The following FSTL4 variants were observed in gnomAD, a reference collection of about 807,000 sequenced individuals.
The protein encoded by FSTL4 is follistatin like 4.
A neutral mutation model predicts 78.2 loss-of-function variants in FSTL4; 28 were observed. The ratio of observed to expected loss-of-function variants is 0.36; its 90% confidence interval spans 0.27 to 0.49. The LOEUF (loss-of-function observed/expected upper bound fraction) is 0.49, where lower values mean the gene tolerates loss of function less well. FSTL4 is among the 20% of genes least tolerant of loss of function. The pLI is 0.98. For synonymous variants in FSTL4, 422 were observed against 440.5 expected (o/e 0.96, Z 0.53); for missense variants, 922 against 1,084.9 (o/e 0.85, Z 2.11).
chr5:133,608,553 T>A (rs1761022015), intron 1 of FSTL4, among the ~76,000 whole-genome samples: 1 of 152,242 alleles, frequency 6.6e-6, no homozygotes. Flanking sequence ...TTCCTTATAT[T>A]ATGGCACACT....
intron 3 of FSTL4, among the ~76,000 whole-genome samples, chr5:133,449,733 C>T (rs528346322): frequency 9.9e-5 from 15 of 152,282 alleles, no homozygotes; most frequent in Middle Eastern, 3.4e-3. Context: ...GGCGGGTGTT[C>T]CCTGTTGGGT....
chr5:133,322,486 T>C (rs1754095672), intron 4 of FSTL4, among the ~76,000 whole-genome samples: 1 of 152,024 alleles, frequency 6.6e-6, no homozygotes, highest in African/African-American at 2.4e-5. Context: ...TCCCAAGAAG[T>C]GCTGGAAGGA....
intron 3 of FSTL4, among the ~76,000 whole-genome samples, chr5:133,446,260 C>T (rs1044855465): frequency 1.3e-5 from 2 of 152,120 alleles, no homozygotes; most frequent in Admixed American, 6.5e-5. Context: ...GCCAACATGG[C>T]GAAACCCTGT....
At chr5:133,720,812 C>T in the FSTL4 span, 1 of 153,136 alleles carries the variant, frequency 6.5e-6, no homozygotes, top group Non-Finnish European at 1.5e-5. Context: ...CACATCTGTA[C>T]TTTGTTAATC....
chr5:133,353,791 G>C, intron 4 of FSTL4, among the ~76,000 whole-genome samples: 1 of 152,352 alleles, frequency 6.6e-6, no homozygotes, highest in East Asian at 1.9e-4. Context: ...TGCTGCCTGC[G>C]GGGCTTTGTT....
At chr5:133,206,061 A>G (rs762837642) in intron 14 of FSTL4, among the ~76,000 whole-genome samples, 2 of 152,182 alleles carry the variant, frequency 1.3e-5, no homozygotes, top group Non-Finnish European at 2.9e-5. Context: ...TTTATTTTTT[A>G]TACTATTTTA....
chr5:133,216,652 G>A (rs141952844), intron 13 of FSTL4, among the ~76,000 whole-genome samples: 23 of 152,206 alleles, frequency 1.5e-4, no homozygotes, highest in East Asian at 1.4e-3. Flanking sequence ...CACCCAGCCC[G>A]TTTGTTAACA....
At chr5:133,219,054 T>C (rs1561624802) in intron 12 of FSTL4, among the ~76,000 whole-genome samples, 1 of 152,224 alleles carries the variant, frequency 6.6e-6, no homozygotes, top group South Asian at 2.1e-4. Context: ...TTCCTTGCGA[T>C]TGTGGCCCAA....
chr5:133,341,222 C>T (rs1378557725), intron 4 of FSTL4, among the ~76,000 whole-genome samples: 1 of 142,650 alleles, frequency 7.0e-6, no homozygotes, highest in African/African-American at 2.6e-5. Flanking sequence ...AGTTCCTGCT[C>T]ACATTTTTTT....
At chr5:133,739,726 T>C in the FSTL4 span, among the ~76,000 whole-genome samples, 2 of 152,212 alleles carry the variant, frequency 1.3e-5, no homozygotes, top group Non-Finnish European at 2.9e-5. Flanking sequence ...CAATCTCCTT[T>C]AATACACGAT....
intron 2 of FSTL4, among the ~76,000 whole-genome samples, chr5:133,601,548 C>T (rs899442130): frequency 1.3e-5 from 2 of 152,150 alleles, no homozygotes; most frequent in African/African-American, 2.4e-5. Context: ...CTGCACGAGG[C>T]CCCTGGTGGG....
rs1036853867 is a variant in FSTL4, at chr5:133,611,754, G to C, written c.-11+571C>G. Among the ~76,000 whole-genome samples, 3 of 152,170 alleles carry C rather than the reference G, an allele frequency of 2.0e-5. No homozygotes were observed. Among genetic ancestry groups the C allele is most frequent in the Admixed American group, 2.0e-4 (3 of 15,290 alleles). ...ATGCGGCGGACCCCGGGGAAGCCAG[G>C]GCCAGGCGAAGCGCAGCGGGCCCTT... On this transcript the variant is annotated intron_variant, in intron 1 of 15. Coordinates refer to ENST00000265342, the MANE Select transcript of FSTL4 (RefSeq NM_015082.2). The surrounding 1 kb of genome is among the most constrained non-coding windows in gnomAD (Gnocchi z 4.9).
chr5:133,764,646 G>A, the FSTL4 span, among the ~76,000 whole-genome samples: 1 of 152,182 alleles, frequency 6.6e-6, no homozygotes. Context: ...ACTCCTGGGG[G>A]TCTGAGAACA....
chr5:133,405,794 G>A (rs1433701840), intron 3 of FSTL4, among the ~76,000 whole-genome samples: 2 of 152,244 alleles, frequency 1.3e-5, no homozygotes, highest in Non-Finnish European at 2.9e-5. Context: ...AGGTTTGTGT[G>A]AGAACCAGGC....
Position 133,362,022 on chromosome 5 carries a change from T to C in FSTL4, c.409+38716A>G, listed in dbSNP as rs1286952479. On this transcript the variant is annotated intron_variant, in intron 4 of 15. Transcript: ENST00000265342. ...TAATATACTTGGAATTTCTCTGGGATACAACTACTATAAAAACCAAGGAAT... is the reference window on the plus strand; with the variant it reads ...TAATATACTTGGAATTTCTCTGGGACACAACTACTATAAAAACCAAGGAAT... Among the ~76,000 whole-genome samples the C allele has an allele frequency of 2.6e-5, 4 of 152,258 alleles. No homozygotes were observed. In the South Asian group the frequency reaches 6.2e-4, roughly 24 times the overall value.
Position 133,312,717 on chromosome 5 carries a change from G to C in FSTL4, c.664C>G (p.Leu222Val), listed in dbSNP as rs767569209. ...TCACTGTTGTAATCGTCAAATCGGA[G>C]GAGGTCACCTGGTGAGCAACCAAGT... is the stretch of plus-strand genomic sequence containing the variant. ...DLLGCSPGDL[L>V]RFDDYNSDSS... Residue 222 changes from leucine to valine, a missense_variant, in exon 6 of 16, where the codon CTC becomes GTC. Coordinates refer to ENST00000265342, the MANE Select transcript of FSTL4 (RefSeq NM_015082.2). The C allele has an allele frequency of 6.2e-7, 1 of 1,613,804 alleles. No homozygotes were observed. The highest frequency in any genetic ancestry group is 1.1e-5 in the South Asian group (1 of 91,078).
At chr5:133,396,459 T>C (rs1017353215) in intron 4 of FSTL4, among the ~76,000 whole-genome samples, 5 of 152,178 alleles carry the variant, frequency 3.3e-5, no homozygotes, top group African/African-American at 1.2e-4. Context: ...CCTCTTGCTA[T>C]AGGGACTGCT....
Position 133,236,954 on chromosome 5 carries a change from G to A in FSTL4, c.895-3417C>T, listed in dbSNP as rs1751681531. 6.6e-6 allele frequency among the ~76,000 whole-genome samples: 1 copy of A among 152,242 alleles called. No individual in the cohort carries two copies. Among genetic ancestry groups the A allele is most frequent in the Admixed American group, 6.5e-5 (1 of 15,292 alleles). On this transcript the variant is annotated intron_variant, in intron 7 of 15. Coordinates refer to ENST00000265342, the MANE Select transcript of FSTL4 (RefSeq NM_015082.2). This position sits in a 1 kb window ranked among gnomAD's most constrained non-coding sequence, Gnocchi z 5.0. ...TCTGCAGAGGAGGGCAGGGAGGCTT[G>A]TGCCCTGTGTGCCTGTCACAGTCCT... is the stretch of plus-strand genomic sequence containing the variant.
chr5:133,231,229 C>T (rs765274991), intron 8 of FSTL4, among the ~76,000 whole-genome samples: 9 of 151,936 alleles, frequency 5.9e-5, no homozygotes, highest in Non-Finnish European at 1.0e-4. Context: ...CTCAACTATG[C>T]CCCATTTTTC....
Sources: gnomAD v4.1 joint callset for allele counts (sites outside exome capture counted in the v4.1 genomes callset) on GRCh38, gnomAD v4.1.1 for gene constraint, Gnocchi (gnomAD v3.1) non-coding constraint, MANE v1.5 for transcripts, NCBI Gene and HGNC (gene_info 2026-07-23, HGNC 2026-07-21) for gene names.